Variants in MACROD2 observed in about 807,000 individuals in gnomAD.
MACROD2 encodes mono-ADP ribosylhydrolase 2, also known as ADP-ribose glycohydrolase MACROD2.
Under a neutral mutation model 70.4 loss-of-function variants are expected in MACROD2, and 36 were observed. That is an observed-to-expected ratio of 0.51 (90% CI 0.39 to 0.68). The LOEUF (loss-of-function observed/expected upper bound fraction) is 0.68. Among genes scored for constraint, MACROD2 ranks in the 30% least tolerant of loss-of-function variants. The pLI, the probability that MACROD2 is intolerant of heterozygous loss-of-function variation, is 0.00. For synonymous variants in MACROD2, 172 were observed against 178.8 expected (o/e 0.96, Z 0.30); for missense variants, 496 against 538.4 (o/e 0.92, Z 0.78).
At chr20:14,918,566 T>A (rs2074121367) in intron 5 of MACROD2, among the ~76,000 whole-genome samples, 1 of 151,946 alleles carries the variant, frequency 6.6e-6, no homozygotes, top group Admixed American at 6.6e-5. Context: ...TCCTCTAAAG[T>A]CATCTGCAAT....
intron 5 of MACROD2, among the ~76,000 whole-genome samples, chr20:14,876,773 A>T (rs1314042661): frequency 6.6e-6 from 1 of 152,064 alleles, no homozygotes; most frequent in Non-Finnish European, 1.5e-5. Context: ...AAATGGTTGT[A>T]GGTGTGTGGC....
intron 3 of MACROD2, among the ~76,000 whole-genome samples, chr20:14,273,461 A>C (rs1196882456): frequency 6.7e-6 from 1 of 149,242 alleles, no homozygotes; most frequent in Non-Finnish European, 1.5e-5. Context: ...ACAAAGACAC[A>C]ACATACCAGA....
At chr20:15,618,631 G>GC (rs1028474470) in intron 8 of MACROD2, among the ~76,000 whole-genome samples, 10 of 152,110 alleles carry the variant, frequency 6.6e-5, no homozygotes, top group African/African-American at 1.4e-4. Flanking sequence ...AGCCCAAGGG[G>GC]CTCCATGTGC....
At chr20:15,951,658 T>C (rs186497274) in intron 12 of MACROD2, among the ~76,000 whole-genome samples, 2 of 152,158 alleles carry the variant, frequency 1.3e-5, no homozygotes, top group East Asian at 3.9e-4. Flanking sequence ...CAAAACAACA[T>C]GCAAGCGCAT....
At chr20:16,008,690 A>G (rs1426081648) in intron 15 of MACROD2, among the ~76,000 whole-genome samples, 1 of 152,238 alleles carries the variant, frequency 6.6e-6, no homozygotes, top group Non-Finnish European at 1.5e-5. Flanking sequence ...CAGTAGTGCC[A>G]GGCATATAGT....
At chr20:14,744,417 T>C (rs942651631) in intron 5 of MACROD2, among the ~76,000 whole-genome samples, 3 of 152,230 alleles carry the variant, frequency 2.0e-5, no homozygotes, top group Non-Finnish European at 4.4e-5. Context: ...TAAATCTAGC[T>C]AATTAACATA....
intron 3 of MACROD2, among the ~76,000 whole-genome samples, chr20:14,162,295 T>C (rs6079328): frequency 0.53 from 80,354 of 151,978 alleles, 22,800 homozygotes; most frequent in Non-Finnish European, 0.62. Flanking sequence ...TAATGTATAG[T>C]GTATTCTGCT....
chr20:15,816,806 C>T (rs930713610), intron 8 of MACROD2, among the ~76,000 whole-genome samples: 1 of 152,192 alleles, frequency 6.6e-6, no homozygotes, highest in African/African-American at 2.4e-5. Context: ...TACTTATGGC[C>T]TTGCTGGAGA....
intron 5 of MACROD2, among the ~76,000 whole-genome samples, chr20:15,103,895 C>T (rs1029821011): frequency 2.6e-5 from 4 of 151,898 alleles, no homozygotes; most frequent in Non-Finnish European, 4.4e-5. Flanking sequence ...GTTGTTGTGT[C>T]GGAAGTAAAA....
At chr20:14,166,967 C>T (rs2055277672) in intron 3 of MACROD2, among the ~76,000 whole-genome samples, 1 of 152,170 alleles carries the variant, frequency 6.6e-6, no homozygotes, top group South Asian at 2.1e-4. Context: ...AACTCATTAG[C>T]CTGGAATTCA....
intron 4 of MACROD2, among the ~76,000 whole-genome samples, chr20:14,494,483 T>C (rs1308627805): frequency 1.3e-5 from 2 of 152,122 alleles, no homozygotes; most frequent in Admixed American, 1.3e-4. Context: ...TAGGAAGTGC[T>C]CTTCGTATTA....
intron 2 of MACROD2, among the ~76,000 whole-genome samples, chr20:14,075,609 A>G (rs73082896): frequency 2.3e-4 from 35 of 152,148 alleles, no homozygotes; most frequent in African/African-American, 7.5e-4. Context: ...TCCCCTTGCC[A>G]TCTTTGATTT....
intron 5 of MACROD2, among the ~76,000 whole-genome samples, chr20:14,766,375 AAG>A (rs2072089653): frequency 6.6e-6 from 1 of 152,080 alleles, no homozygotes; most frequent in South Asian, 2.1e-4. Flanking sequence ...TTAGCTGAAA[AAG>A]AGAATCCCAG....
chr20:15,067,581 C>G (rs2075587477), intron 5 of MACROD2, among the ~76,000 whole-genome samples: 1 of 152,038 alleles, frequency 6.6e-6, no homozygotes, highest in African/African-American at 2.4e-5. Flanking sequence ...AACTCCTGAT[C>G]TCAAGTGATC....
chr20:14,309,116 A>G lies in MACROD2; in HGVS notation c.272-184363A>G, dbSNP rs140943673. Reference sequence around the variant, plus strand: ...CTGTGGACAATCCTTTTGAAGATCTACATTTGGAAATGGCACGTGGAATTT... The same window carrying G: ...CTGTGGACAATCCTTTTGAAGATCTGCATTTGGAAATGGCACGTGGAATTT... On this transcript the variant is annotated intron_variant, in intron 3 of 17. Transcript: ENST00000684519. Among the ~76,000 whole-genome samples, 1,004 of 152,272 alleles carry G rather than the reference A, an allele frequency of 6.6e-3. 4 individuals carry two copies. The highest frequency in any genetic ancestry group is 0.017 in the Middle Eastern group (5 of 294).
intron 6 of MACROD2, among the ~76,000 whole-genome samples, chr20:15,418,647 G>T (rs778406429): frequency 7.9e-5 from 12 of 152,140 alleles, no homozygotes; most frequent in Non-Finnish European, 1.5e-4. Context: ...GAAAACCAGG[G>T]ATTGACTCAA....
intron 5 of MACROD2, among the ~76,000 whole-genome samples, chr20:15,071,914 T>G (rs1298493316): frequency 6.6e-6 from 1 of 152,160 alleles, no homozygotes; most frequent in Non-Finnish European, 1.5e-5. Context: ...CTTCTATTAT[T>G]GTGATTCTCA....
intron 5 of MACROD2, among the ~76,000 whole-genome samples, chr20:14,949,172 G>A (rs1167763740): frequency 6.6e-6 from 1 of 152,080 alleles, no homozygotes; most frequent in East Asian, 1.9e-4. Flanking sequence ...AGACCAAAAT[G>A]TTCACTTTAG....
At chr20:15,291,511 G>A (rs1484856116) in intron 6 of MACROD2, among the ~76,000 whole-genome samples, 3 of 152,178 alleles carry the variant, frequency 2.0e-5, no homozygotes, top group South Asian at 4.2e-4. Context: ...TTAAATAATT[G>A]CATTTTCTTC....
Sources: allele counts gnomAD v4.1 joint callset (sites outside exome capture counted in the v4.1 genomes callset), GRCh38; gene constraint gnomAD v4.1.1; transcripts MANE v1.5; gene names NCBI Gene and HGNC (gene_info 2026-07-23, HGNC 2026-07-21).